QSOX1: variants seen among roughly 807,000 people sequenced by gnomAD.
The protein encoded by QSOX1 is quiescin sulfhydryl oxidase 1.
In QSOX1, 40 loss-of-function variants were observed where a neutral mutation model predicts 76.1. That is an observed-to-expected ratio of 0.53 (90% CI 0.41 to 0.68). The LOEUF is 0.68. QSOX1 is among the 30% of genes least tolerant of loss of function. The pLI is 0.00. For missense variants in QSOX1, 931 were observed against 974.3 expected (o/e 0.96, Z 0.59); for synonymous variants, 392 against 413.1 (o/e 0.95, Z 0.62).
At chr1:180,168,685 TC>T (rs754525321) in intron 2 of QSOX1, among the ~76,000 whole-genome samples, 1 of 152,190 alleles carries the variant, frequency 6.6e-6, no homozygotes, top group Non-Finnish European at 1.5e-5. Context: ...TTTTTTTAAA[TC>T]CGGCTGTGAT....
intron 11 of QSOX1, among the ~76,000 whole-genome samples, chr1:180,195,909 C>T (rs988167933): frequency 2.6e-5 from 4 of 152,236 alleles, no homozygotes; most frequent in African/African-American, 7.2e-5. Context: ...CTTGCCCTTT[C>T]CCATGTCTGG....
At chr1:180,156,989 G>A (rs1662389634) in intron 1 of QSOX1, among the ~76,000 whole-genome samples, 1 of 152,174 alleles carries the variant, frequency 6.6e-6, no homozygotes, top group African/African-American at 2.4e-5. Flanking sequence ...TCACATGTTT[G>A]GCCTCTTGCA....
intron 7 of QSOX1, among the ~76,000 whole-genome samples, chr1:180,184,528 A>T (rs1166624382): frequency 1.3e-5 from 2 of 152,014 alleles, no homozygotes; most frequent in African/African-American, 4.8e-5. Flanking sequence ...ACCCAACCTC[A>T]CTTGAATGCC....
At position 180,182,239 on chromosome 1, in the gene QSOX1, T is replaced by C; in HGVS notation, c.672T>C (p.Asn224=). The change falls in exon 6 of 12, where the codon AAT becomes AAC. Residue 224 remains asparagine (N), a synonymous_variant. Transcript: ENST00000367602. The stretch of plus-strand genomic sequence containing the variant: ...GCAGGGTGCTGAACACAGAGGCCAA[T>C]GTGGTGAGAAAGTTTGGTGTCACCG... The part of the protein sequence containing the change: ...AVRRVLNTEA[N]VVRKFGVTDF... The C allele has an allele frequency of 6.2e-7, 1 of 1,614,184 alleles. No individual in the cohort carries two copies. Among genetic ancestry groups the C allele is most frequent in the Non-Finnish European group, 8.5e-7 (1 of 1,180,036 alleles).
chr1:180,196,756 TCCAGGGCTGAGA>T lies in QSOX1; in HGVS notation c.1964_1975del (p.Ser655_Lys659delinsTer). On this transcript the variant is annotated stop_gained and inframe_deletion, in exon 12 of 12. Coordinates refer to ENST00000367602, the MANE Select transcript of QSOX1 (RefSeq NM_002826.5). LOFTEE classifies it high-confidence loss of function. This position sits in a 1 kb window ranked among gnomAD's most constrained non-coding sequence, Gnocchi z 4.1. ...CACAGGGGCTGCATTGCTGGCTGAG[TCCAGGGCTGAGA>T]AGAACCGCCTCTGGGGCCCTTTGGA... 1 of 1,614,044 alleles carries T rather than the reference TCCAGGGCTGAGA, an allele frequency of 6.2e-7. No homozygotes were observed. Among genetic ancestry groups the T allele is most frequent in the African/African-American group, 1.3e-5 (1 of 75,040 alleles).
chr1:180,198,172 A>G lies in QSOX1; in HGVS notation c.*1135A>G, dbSNP rs2149244687. On this transcript the variant is annotated 3_prime_UTR_variant, in exon 12 of 12. Transcript: ENST00000367602. ...CACAGCTCCTGGCCACAGACTGCCCATAGAACTGTCTGCACCCAAACCCCA... is the reference window on the plus strand; with the variant it reads ...CACAGCTCCTGGCCACAGACTGCCCGTAGAACTGTCTGCACCCAAACCCCA... The G allele has an allele frequency of 4.4e-6, 2 of 456,686 alleles. No homozygotes were observed. Among genetic ancestry groups the G allele is most frequent in the South Asian group, 1.5e-5 (1 of 64,568 alleles). The allele number at this position is 456,686 out of a possible 1,614,324, so 28.3% of individuals were successfully genotyped here.
chr1:180,197,209 T>C lies in QSOX1; in HGVS notation c.*172T>C. On this transcript the variant is annotated 3_prime_UTR_variant, in exon 12 of 12. Coordinates refer to ENST00000367602, the MANE Select transcript of QSOX1 (RefSeq NM_002826.5). ...TCTTGGGGTTGCTAGGACAGAGAGC[T>C]CCTTTGACACAAAAGACAGGAGCAG... The C allele has an allele frequency of 6.4e-7, 1 of 1,559,890 alleles. No individual in the cohort carries two copies.
chr1:180,187,049 G>A (rs750283103), intron 8 of QSOX1, among the ~76,000 whole-genome samples: 2 of 152,200 alleles, frequency 1.3e-5, no homozygotes, highest in African/African-American at 4.8e-5. Flanking sequence ...CCTGGGGCCC[G>A]GATCTGAGCC....
intron 10 of QSOX1, among the ~76,000 whole-genome samples, chr1:180,193,154 T>G (rs183845077): frequency 6.6e-6 from 1 of 152,124 alleles, no homozygotes; most frequent in African/African-American, 2.4e-5. Flanking sequence ...GGGAACTTCT[T>G]TATGATCATC....
At chr1:180,168,284 C>T (rs937064096) in intron 2 of QSOX1, among the ~76,000 whole-genome samples, 1 of 152,218 alleles carries the variant, frequency 6.6e-6, no homozygotes, top group Non-Finnish European at 1.5e-5. Flanking sequence ...ACTGGGAGGG[C>T]CCTCGCTGGG....
At chr1:180,185,897 C>T (rs1663157548) in intron 7 of QSOX1, among the ~76,000 whole-genome samples, 156 bp from the exon 8 acceptor site, 1 of 152,244 alleles carries the variant, frequency 6.6e-6, no homozygotes, top group South Asian at 2.1e-4. Context: ...CAAGGTCACA[C>T]AGCACATTTC....
chr1:180,194,338 G>A lies in QSOX1; in HGVS notation c.1414G>A (p.Ala472Thr), dbSNP rs535449667. 1.5e-5 allele frequency: 24 copies of A among 1,604,498 alleles called. No homozygotes were observed. Among genetic ancestry groups the A allele is most frequent in the Admixed American group, 3.4e-5 (2 of 59,516 alleles). Reference protein sequence around the residue: ...ASMHRVGSPNAAVLWLWSSHN... With the variant: ...ASMHRVGSPNTAVLWLWSSHN... ...CATGCACCGGGTGGGGAGTCCCAAC[G>A]CCGCTGTCCTCTGGCTCTGGTCTAG... is the stretch of plus-strand genomic sequence containing the variant. Residue 472 changes from alanine (A) to threonine (T), a missense_variant, in exon 11 of 12, where the codon GCC becomes ACC. Physicochemically the swap from Ala to Thr is moderately conservative, Grantham distance 58. Transcript: ENST00000367602.
At chr1:180,184,084 C>G in intron 7 of QSOX1, 34 bp downstream of exon 7, 1 of 1,610,108 alleles carries the variant, frequency 6.2e-7, no homozygotes, top group Non-Finnish European at 8.5e-7. Flanking sequence ...CACTTCTTCT[C>G]CTTCCTCTGA....
rs1299311442 is a variant in QSOX1 at position 180,197,117 on chromosome 1, A to G, written c.*80A>G. On this transcript the variant is annotated 3_prime_UTR_variant, in exon 12 of 12. Coordinates refer to ENST00000367602, the MANE Select transcript of QSOX1 (RefSeq NM_002826.5). Reference sequence around the variant, plus strand: ...CCCTGACCCCATTCCCTCCCCTCCCACCCCTTGCTCCTTGTCTGGCCTAGA... The same window carrying G: ...CCCTGACCCCATTCCCTCCCCTCCCGCCCCTTGCTCCTTGTCTGGCCTAGA... The G allele has an allele frequency of 1.3e-4, 73 of 557,204 alleles. No homozygotes were observed. The highest frequency in any genetic ancestry group is 1.9e-4 in the Non-Finnish European group (69 of 357,766). 34.5% of individuals were successfully genotyped at this position (557,204 alleles called of 1,614,324 possible).
At position 180,154,970 on chromosome 1, in the gene QSOX1, G is replaced by A. The variant is rs1184223082; in HGVS notation, c.63G>A (p.Leu21=). The A allele has an allele frequency of 4.0e-6, 6 of 1,505,660 alleles. No individual in the cohort carries two copies. The highest frequency in any genetic ancestry group is 1.2e-5 in the South Asian group (1 of 80,942). 93.3% of individuals were successfully genotyped at this position (1,505,660 alleles called of 1,614,324 possible). A position where few individuals can be genotyped will look rare whatever the true frequency, so the allele number is the denominator to read the frequency against. Residue 21 remains leucine (L), a synonymous_variant, in exon 1 of 12, where the codon CTG becomes CTA. Coordinates refer to ENST00000367602, the MANE Select transcript of QSOX1 (RefSeq NM_002826.5). ...PPSLLLLLLW[L]LAVPGANAAP... Reference sequence around the variant, plus strand: ...CGCTGCTGCTGCTGCTGCTGTGGCTGCTCGCGGTTCCCGGCGCTAACGCGG... The same window carrying A: ...CGCTGCTGCTGCTGCTGCTGTGGCTACTCGCGGTTCCCGGCGCTAACGCGG...
chr1:180,155,010 C>G lies in QSOX1; in HGVS notation c.103C>G (p.Leu35Val). Residue 35 changes from leucine to valine, a missense_variant, in exon 1 of 12, where the codon CTC (leucine) becomes GTC (valine). Transcript: ENST00000367602. ...CGCTAACGCGGCCCCGCGGTCGGCGCTCTATTCGCCTTCCGACCCGCTGAC... is the reference window on the plus strand; with the variant it reads ...CGCTAACGCGGCCCCGCGGTCGGCGGTCTATTCGCCTTCCGACCCGCTGAC... ...PGANAAPRSA[L>V]YSPSDPLTLL... is the part of the protein sequence containing the mutation. The G allele has an allele frequency of 6.6e-7, 1 of 1,511,900 alleles. No homozygotes were observed. The highest frequency in any genetic ancestry group is 8.8e-7 in the Non-Finnish European group (1 of 1,137,548). 93.7% of individuals were successfully genotyped at this position (1,511,900 alleles called of 1,614,324 possible).
Position 180,198,862 on chromosome 1 carries a change from T to C in QSOX1, c.*1825T>C. The stretch of plus-strand genomic sequence containing the variant: ...AGAGGCTCCCAGGGCCGGTGCCCTG[T>C]GTGCCCACTGCACCAAGGCCGCTGA... On this transcript the variant is annotated 3_prime_UTR_variant, in exon 12 of 12. Transcript: ENST00000367602. 1 of 184,594 alleles carries C rather than the reference T, an allele frequency of 5.4e-6. No homozygotes were observed. The highest frequency in any genetic ancestry group is 1.2e-5 in the Non-Finnish European group (1 of 86,186). The allele number at this position is 184,594 out of a possible 1,614,324, so 11.4% of individuals were successfully genotyped here. A position where few individuals can be genotyped will look rare whatever the true frequency, so the allele number is the denominator to read the frequency against.
intron 5 of QSOX1, among the ~76,000 whole-genome samples, chr1:180,181,499 C>T (rs1663035077): frequency 6.6e-6 from 1 of 152,174 alleles, no homozygotes. Context: ...ACATACTGGG[C>T]TCAGAGTTAG....
intron 2 of QSOX1, among the ~76,000 whole-genome samples, chr1:180,171,876 C>T (rs202023210): frequency 2.6e-5 from 4 of 152,092 alleles, no homozygotes; most frequent in East Asian, 1.9e-4. Context: ...AAATGTGGCA[C>T]GAAAGTTGAC....
Sources: allele counts gnomAD v4.1 joint callset (sites outside exome capture counted in the v4.1 genomes callset), GRCh38; gene constraint gnomAD v4.1.1; non-coding constraint Gnocchi (gnomAD v3.1); transcripts MANE v1.5; gene names NCBI Gene and HGNC (gene_info 2026-07-23, HGNC 2026-07-21).